Variants in ERVV-2 observed in about 807,000 individuals in gnomAD.
ERVV-2 encodes the protein endogenous retrovirus group V member 2 Env polyprotein.
For synonymous variants in ERVV-2, 105 were observed against 184.6 expected (o/e 0.57, Z 3.49); for missense variants, 291 against 495.1 (o/e 0.59, Z 3.91).
chr19:53,046,356 A>G (rs749198324), intron 1 of ERVV-2, among the ~76,000 whole-genome samples: 15 of 152,030 alleles, frequency 9.9e-5, no homozygotes, highest in Non-Finnish European at 1.8e-4. Context: ...TGACTCCTCA[A>G]TGGAACTGCC....
At chr19:53,048,279 C>T (rs2083898289) in intron 1 of ERVV-2, among the ~76,000 whole-genome samples, 1 of 152,076 alleles carries the variant, frequency 6.6e-6, no homozygotes, top group African/African-American at 2.4e-5. Flanking sequence ...GAGGCTGAGG[C>T]AGGAGAATCA....
At position 53,050,696 on chromosome 19, in the gene ERVV-2, T is replaced by A; in HGVS notation, c.1445T>A (p.Ile482Asn). Residue 482 changes from isoleucine (I) to asparagine (N), a missense_variant, in exon 2 of 2, where the codon ATT (isoleucine) becomes AAT (asparagine). Physicochemically the swap from Ile to Asn is moderately radical, Grantham distance 149 (BLOSUM62 -3). Transcript: ENST00000601417. Reference protein sequence around the residue: ...LFGPCFFNLLIKCVSSRIKQF... With the variant: ...LFGPCFFNLLNKCVSSRIKQF... ...GGCCCTTGTTTCTTTAATTTACTGA[T>A]TAAGTGTGTCTCTTCTAGGATAAAG... The A allele has an allele frequency of 1.3e-6, 2 of 1,530,308 alleles. No individual in the cohort carries two copies. The highest frequency in any genetic ancestry group is 1.8e-6 in the Non-Finnish European group (2 of 1,141,612). The allele number at this position is 1,530,308 out of a possible 1,614,324, so 94.8% of individuals were successfully genotyped here.
chr19:53,050,528 A>G lies in ERVV-2; in HGVS notation c.1277A>G (p.Glu426Gly). 1.4e-6 allele frequency: 1 copy of G among 735,436 alleles called. No homozygotes were observed. Among genetic ancestry groups the G allele is most frequent in the South Asian group, 1.5e-5 (1 of 68,204 alleles). The allele number at this position is 735,436 out of a possible 1,614,324, so 45.6% of individuals were successfully genotyped here. A position where few individuals can be genotyped will look rare whatever the true frequency, so the allele number is the denominator to read the frequency against. The change falls in exon 2 of 2, where the codon GAG becomes GGG. Residue 426 changes from glutamate to glycine, a missense_variant. Physicochemically the swap from Glu to Gly is moderately conservative, Grantham distance 98. Transcript: ENST00000601417. Reference sequence around the variant, plus strand: ...GAGGATATAAAAAAGATCTATGATGAGGCTACGTGGCTCCATGACTTTGGA... The same window carrying G: ...GAGGATATAAAAAAGATCTATGATGGGGCTACGTGGCTCCATGACTTTGGA... ...IEEDIKKIYD[E>G]ATWLHDFGKG...
chr19:53,047,992 G>T (rs182688367), intron 1 of ERVV-2, among the ~76,000 whole-genome samples: 1 of 152,122 alleles, frequency 6.6e-6, no homozygotes, highest in Non-Finnish European at 1.5e-5. Flanking sequence ...TCATGATCTC[G>T]TGGGAAAACC....
chr19:53,048,960 A>T lies in ERVV-2; in HGVS notation c.-292A>T. The T allele has an allele frequency of 1.8e-6, 1 of 558,832 alleles. No homozygotes were observed. Among genetic ancestry groups the T allele is most frequent in the Non-Finnish European group, 3.2e-6 (1 of 316,040 alleles). The allele number at this position is 558,832 out of a possible 1,614,324, so 34.6% of individuals were successfully genotyped here. On this transcript the variant is annotated 5_prime_UTR_variant, in exon 2 of 2. Coordinates refer to ENST00000601417, the MANE Select transcript of ERVV-2 (RefSeq NM_001191055.2). ...GAACCACAGAAGAACAACAGAATTCAGCACCTGAGCATTCTTGTGAGCCAC... is the reference window on the plus strand; with the variant it reads ...GAACCACAGAAGAACAACAGAATTCTGCACCTGAGCATTCTTGTGAGCCAC...
chr19:53,045,018 C>T (rs12462653), intron 1 of ERVV-2, 60 bp downstream of exon 1: 1 of 152,344 alleles, frequency 6.6e-6, no homozygotes, highest in African/African-American at 2.4e-5. Context: ...TCTTTCTGCA[C>T]TGAAGAACCT....
In ERVV-2 at chr19:53,050,640, A is replaced by G. The variant is rs1304533395; in HGVS notation, c.1389A>G (p.Pro463=). The G allele has an allele frequency of 3.6e-6, 5 of 1,393,010 alleles. No individual in the cohort carries two copies. In the East Asian group the frequency reaches 1.2e-4, roughly 35 times the overall value. 86.3% of individuals were successfully genotyped at this position (1,393,010 alleles called of 1,614,324 possible). ...ACTGGTTTGTCCCTTTACTGGGACC[A>G]GCAACAGTTATACTCTTACTTTTCC... ...SLNWFVPLLG[P]ATVILLLFLF... is the part of the protein sequence containing the mutation. The change falls in exon 2 of 2, where the codon CCA becomes CCG. Residue 463 remains proline, a synonymous_variant. Transcript: ENST00000601417.
chr19:53,045,586 C>G (rs1028446861), intron 1 of ERVV-2, among the ~76,000 whole-genome samples: 10 of 152,168 alleles, frequency 6.6e-5, no homozygotes, highest in Non-Finnish European at 1.5e-4. Context: ...CGGGCGTGAG[C>G]CACTGCGACC....
Position 53,048,858 on chromosome 19 carries a change from C to T in ERVV-2, c.-385-9C>T, listed in dbSNP as rs1020703794. 3 of 363,594 alleles carry T rather than the reference C, an allele frequency of 8.3e-6. No individual in the cohort carries two copies. Among genetic ancestry groups the T allele is most frequent in the East Asian group, 7.5e-5 (1 of 13,402 alleles). 22.5% of individuals were successfully genotyped at this position (363,594 alleles called of 1,614,324 possible). A position where few individuals can be genotyped will look rare whatever the true frequency, so the allele number is the denominator to read the frequency against. On this transcript the variant is annotated splice_polypyrimidine_tract_variant and intron_variant, in intron 1 of 1. Coordinates refer to ENST00000601417, the MANE Select transcript of ERVV-2 (RefSeq NM_001191055.2). ...GACCCCTTTACTGTCTTACTTTCCA[C>T]CCCAACAGCTATCAACATTTCTGGC... is the stretch of plus-strand genomic sequence containing the variant.
chr19:53,045,518 G>A (rs991946298), intron 1 of ERVV-2, among the ~76,000 whole-genome samples: 2 of 152,120 alleles, frequency 1.3e-5, no homozygotes, highest in African/African-American at 2.4e-5. Flanking sequence ...GGCCAGGCTG[G>A]TCTCGAACTC....
rs2083912251 is a variant in ERVV-2, at chr19:53,051,136, C to CTTTTTTTTTTTTTTTTGTTTTTTT, written c.*293_*294insGTTTTTTTTTTTTTTTTTTTTTTT. On this transcript the variant is annotated 3_prime_UTR_variant, in exon 2 of 2. Coordinates refer to ENST00000601417, the MANE Select transcript of ERVV-2 (RefSeq NM_001191055.2). ...TAACCCATCCTAGAACAGCCTTTTG[C>CTTTTTTTTTTTTTTTTGTTTTTTT]TTTTTTTTTTTTTTTTTTTTTTTTT... 9.1e-6 allele frequency: 1 copy of CTTTTTTTTTTTTTTTTGTTTTTTT among 110,032 alleles called. No individual in the cohort carries two copies. Among genetic ancestry groups the CTTTTTTTTTTTTTTTTGTTTTTTT allele is most frequent in the African/African-American group, 4.7e-5 (1 of 21,146 alleles). 6.8% of individuals were successfully genotyped at this position (110,032 alleles called of 1,614,324 possible). A position where few individuals can be genotyped will look rare whatever the true frequency, so the allele number is the denominator to read the frequency against.
At position 53,051,355 on chromosome 19, in the gene ERVV-2, A is replaced by G. The variant is rs2083913666; in HGVS notation, c.*496A>G. Among the ~76,000 whole-genome samples the G allele has an allele frequency of 6.6e-6, 1 of 151,972 alleles. No homozygotes were observed. Among genetic ancestry groups the G allele is most frequent in the African/African-American group, 2.4e-5 (1 of 41,350 alleles). ...GAGATGGGGTTTCACCATGTTGGTC[A>G]GGCTAGTCTCAAACTCCTGACTTCA... On this transcript the variant is annotated 3_prime_UTR_variant, in exon 2 of 2. Coordinates refer to ENST00000601417, the MANE Select transcript of ERVV-2 (RefSeq NM_001191055.2).
intron 1 of ERVV-2, among the ~76,000 whole-genome samples, chr19:53,046,382 G>T (rs1216864441): frequency 6.6e-6 from 1 of 152,170 alleles, no homozygotes; most frequent in Non-Finnish European, 1.5e-5. Context: ...CTTCCAGAGG[G>T]TCACCTGTGA....
rs943265155 is a variant in ERVV-2 at position 53,048,932 on chromosome 19, G to A, written c.-320G>A. 2.8e-5 allele frequency: 14 copies of A among 507,062 alleles called. 1 individual carries two copies. Among genetic ancestry groups the A allele is most frequent in the South Asian group, 1.3e-4 (6 of 45,156 alleles). 31.4% of individuals were successfully genotyped at this position (507,062 alleles called of 1,614,324 possible). ...TCAAGTGAAACTGTGGGAAGGTCCC[G>A]AAGAACCACAGAAGAACAACAGAAT... On this transcript the variant is annotated 5_prime_UTR_variant, in exon 2 of 2. Transcript: ENST00000601417.
In ERVV-2 at chr19:53,048,889, C is replaced by A; in HGVS notation, c.-363C>A. 1 of 413,608 alleles carries A rather than the reference C, an allele frequency of 2.4e-6. No individual in the cohort carries two copies. Among genetic ancestry groups the A allele is most frequent in the Non-Finnish European group, 4.4e-6 (1 of 228,438 alleles). The allele number at this position is 413,608 out of a possible 1,614,324, so 25.6% of individuals were successfully genotyped here. A position where few individuals can be genotyped will look rare whatever the true frequency, so the allele number is the denominator to read the frequency against. On this transcript the variant is annotated 5_prime_UTR_variant, in exon 2 of 2. Coordinates refer to ENST00000601417, the MANE Select transcript of ERVV-2 (RefSeq NM_001191055.2). ...CAGCTATCAACATTTCTGGCATCTC[C>A]AGTTGGATACATCAGTCTCAAGTGA...
Position 53,050,133 on chromosome 19 carries a change from A to G in ERVV-2, c.882A>G (p.Gly294=). 1 of 1,480,316 alleles carries G rather than the reference A, an allele frequency of 6.8e-7. No homozygotes were observed. The highest frequency in any genetic ancestry group is 9.1e-7 in the Non-Finnish European group (1 of 1,104,246). The allele number at this position is 1,480,316 out of a possible 1,614,324, so 91.7% of individuals were successfully genotyped here. A position where few individuals can be genotyped will look rare whatever the true frequency, so the allele number is the denominator to read the frequency against. ...GCATTAATAACATCCAACATACGGG[A>G]GAATGTGCTGTGGGACTTTTGGGAC... ...YTCINNIQHT[G]ECAVGLLGPR... The change falls in exon 2 of 2, where the codon GGA becomes GGG. Residue 294 remains glycine, a synonymous_variant. Coordinates refer to ENST00000601417, the MANE Select transcript of ERVV-2 (RefSeq NM_001191055.2).
In ERVV-2 at chr19:53,048,930, C is replaced by G. The variant is rs193083319; in HGVS notation, c.-322C>G. On this transcript the variant is annotated 5_prime_UTR_variant, in exon 2 of 2. Coordinates refer to ENST00000601417, the MANE Select transcript of ERVV-2 (RefSeq NM_001191055.2). ...TCTCAAGTGAAACTGTGGGAAGGTC[C>G]CGAAGAACCACAGAAGAACAACAGA... The G allele has an allele frequency of 2.5e-4, 123 of 500,568 alleles. No homozygotes were observed. The highest frequency in any genetic ancestry group is 2.2e-3 in the Middle Eastern group (4 of 1,838). The allele number at this position is 500,568 out of a possible 1,614,324, so 31.0% of individuals were successfully genotyped here.
chr19:53,048,729 T>C (rs2083900320), intron 1 of ERVV-2, 138 bp from the exon 2 acceptor site: 2 of 159,854 alleles, frequency 1.3e-5, no homozygotes, highest in African/African-American at 5.2e-5. Context: ...GGACAAAAGG[T>C]ACTGCCTGCT....
chr19:53,047,374 T>C (rs571082656), intron 1 of ERVV-2, among the ~76,000 whole-genome samples: 1 of 152,230 alleles, frequency 6.6e-6, no homozygotes, highest in East Asian at 1.9e-4. Context: ...AAGTCCCTTC[T>C]CTGCAGAATT....
Sources: gnomAD v4.1 joint callset for allele counts (sites outside exome capture counted in the v4.1 genomes callset) on GRCh38, gnomAD v4.1.1 for gene constraint, MANE v1.5 for transcripts, NCBI Gene and HGNC (gene_info 2026-07-23, HGNC 2026-07-21) for gene names.